The following TMEM132B variants were observed in gnomAD, a reference collection of about 807,000 sequenced individuals.
The protein encoded by TMEM132B is transmembrane protein 132B.
TMEM132B carries 18 observed loss-of-function variants against 90.8 expected under a neutral mutation model. That is an observed-to-expected ratio of 0.20 (90% CI 0.14 to 0.29). The LOEUF (loss-of-function observed/expected upper bound fraction) is 0.29. TMEM132B is among the 10% of genes least tolerant of loss of function. The pLI, the probability that TMEM132B is intolerant of heterozygous loss-of-function variation, is 1.00. For synonymous variants in TMEM132B, 504 were observed against 523.3 expected (o/e 0.96, Z 0.50); for missense variants, 1,096 against 1,326.8 (o/e 0.83, Z 2.70).
Position 125,459,215 on chromosome 12 carries a change from T to G in TMEM132B, c.1106+43538T>G, listed in dbSNP as rs1204136367. The stretch of plus-strand genomic sequence containing the variant: ...GCAGCTGGGCAGGCTGCCTCACCTT[T>G]CAAATAGTGGGACCCTCTTCTACGT... On this transcript the variant is annotated intron_variant, in intron 3 of 8. Coordinates refer to ENST00000682704, the MANE Select transcript of TMEM132B (RefSeq NM_001366854.1). This position sits in a 1 kb window ranked among gnomAD's most constrained non-coding sequence, Gnocchi z 4.1. Among the ~76,000 whole-genome samples, 1 of 152,156 alleles carries G rather than the reference T, an allele frequency of 6.6e-6. No individual in the cohort carries two copies. The highest frequency in any genetic ancestry group is 1.5e-5 in the Non-Finnish European group (1 of 68,036).
At chr12:125,482,313 A>G (rs1593167963) in intron 3 of TMEM132B, among the ~76,000 whole-genome samples, 1 of 152,254 alleles carries the variant, frequency 6.6e-6, no homozygotes, top group African/African-American at 2.4e-5. Context: ...CAGAGTGAAC[A>G]GGCAACCTAC....
intron 2 of TMEM132B, among the ~76,000 whole-genome samples, chr12:125,371,973 C>T (rs1878304859): frequency 6.6e-6 from 1 of 152,148 alleles, no homozygotes. Context: ...TTCGGTTAGA[C>T]AGAATATTTC....
chr12:125,317,614 T>G (rs1876318397), intron 1 of TMEM132B, among the ~76,000 whole-genome samples: 1 of 150,980 alleles, frequency 6.6e-6, no homozygotes, highest in Non-Finnish European at 1.5e-5. Flanking sequence ...CCTCATCATC[T>G]CTATCCTCCT....
At chr12:125,641,250 A>G (rs895918194) in intron 5 of TMEM132B, among the ~76,000 whole-genome samples, 2 of 152,194 alleles carry the variant, frequency 1.3e-5, no homozygotes, top group African/African-American at 4.8e-5. Flanking sequence ...TCTCTGTGCA[A>G]TTCCACAAAT....
At chr12:125,274,944 AT>A (rs750452820) in intron 1 of TMEM132B, among the ~76,000 whole-genome samples, 2 of 152,196 alleles carry the variant, frequency 1.3e-5, no homozygotes, top group Non-Finnish European at 2.9e-5. Flanking sequence ...AATAAAAAAA[AT>A]AACCTAAGGA....
Position 125,650,878 on chromosome 12 carries a change from G to A in TMEM132B, c.1839G>A (p.Val613=), listed in dbSNP as rs1401425862. The A allele has an allele frequency of 1.9e-6, 3 of 1,614,020 alleles. No individual in the cohort carries two copies. Among genetic ancestry groups the A allele is most frequent in the African/African-American group, 1.3e-5 (1 of 75,054 alleles). The part of the protein sequence containing the change: ...ITDLVTEFMK[V]EEPKIAQLQD... ...ACCTTGTGACCGAGTTCATGAAGGTGGAGGAGCCGAAAATCGCTCAGTTAC... is the reference window on the plus strand; with the variant it reads ...ACCTTGTGACCGAGTTCATGAAGGTAGAGGAGCCGAAAATCGCTCAGTTAC... The change falls in exon 7 of 9, where the codon GTG becomes GTA. Residue 613 remains valine, a synonymous_variant. Transcript: ENST00000682704.
chr12:125,350,348 G>C lies in TMEM132B; in HGVS notation c.959+5G>C. 6.2e-7 allele frequency: 1 copy of C among 1,605,898 alleles called. No homozygotes were observed. Among genetic ancestry groups the C allele is most frequent in the Non-Finnish European group, 8.5e-7 (1 of 1,176,474 alleles). The stretch of plus-strand genomic sequence containing the variant: ...GGCAGACCAGTTCACTCTTAGGTAA[G>C]AGGCTTTGCCAGGTGGGATGGAACA... On this transcript the variant is annotated splice_donor_5th_base_variant and intron_variant, in intron 2 of 8. Transcript: ENST00000682704.
intron 1 of TMEM132B, among the ~76,000 whole-genome samples, chr12:125,285,355 A>G (rs1405048708): frequency 6.6e-6 from 1 of 152,230 alleles, no homozygotes; most frequent in East Asian, 1.9e-4. Context: ...AGAGGCAAAG[A>G]CATAGCTAAA....
intron 3 of TMEM132B, among the ~76,000 whole-genome samples, chr12:125,471,269 G>A (rs1881712033): frequency 6.6e-6 from 1 of 152,200 alleles, no homozygotes; most frequent in South Asian, 2.1e-4. Flanking sequence ...CTGTGGTCCG[G>A]GGGTGTGGTC....
At chr12:125,648,245 A>G (rs1488698550) in intron 6 of TMEM132B, among the ~76,000 whole-genome samples, 1 of 151,946 alleles carries the variant, frequency 6.6e-6, no homozygotes, top group African/African-American at 2.4e-5. Context: ...ATCCTTTTTT[A>G]TGGCTGCATA....
chr12:125,344,954 C>T (rs1210347346), intron 1 of TMEM132B, among the ~76,000 whole-genome samples: 1 of 152,152 alleles, frequency 6.6e-6, no homozygotes, highest in Non-Finnish European at 1.5e-5. Flanking sequence ...ACTGCACCAA[C>T]CTGAACTAAT....
intron 5 of TMEM132B, among the ~76,000 whole-genome samples, chr12:125,614,789 G>C (rs1440715733): frequency 6.6e-6 from 1 of 152,158 alleles, no homozygotes; most frequent in Non-Finnish European, 1.5e-5. Context: ...TTTAAAAAAT[G>C]TGGATTCAGA....
chr12:125,630,100 C>A (rs945649903), intron 5 of TMEM132B, among the ~76,000 whole-genome samples: 8 of 151,950 alleles, frequency 5.3e-5, no homozygotes, highest in Non-Finnish European at 1.2e-4. Flanking sequence ...CTGTAGTTTT[C>A]TTTTTCTGAT....
chr12:125,616,210 T>C (rs1456482488), intron 5 of TMEM132B, among the ~76,000 whole-genome samples: 2 of 151,784 alleles, frequency 1.3e-5, no homozygotes, highest in South Asian at 4.2e-4. Flanking sequence ...GTCCTTGCGA[T>C]AGTTTGCTGA....
At chr12:125,237,196 C>T (rs1873956169) in intron 1 of TMEM132B, among the ~76,000 whole-genome samples, 1 of 152,156 alleles carries the variant, frequency 6.6e-6, no homozygotes, top group African/African-American at 2.4e-5. Flanking sequence ...GGTAGGTGTT[C>T]CAGGTAGGAG....
chr12:125,432,147 A>T (rs1163410857), intron 3 of TMEM132B, among the ~76,000 whole-genome samples: 3 of 151,562 alleles, frequency 2.0e-5, no homozygotes, highest in African/African-American at 7.3e-5. Context: ...TACTCTTGCG[A>T]ATCCTGTAAG....
chr12:125,244,473 G>T (rs1356222828), intron 1 of TMEM132B, among the ~76,000 whole-genome samples: 1 of 152,198 alleles, frequency 6.6e-6, no homozygotes, highest in East Asian at 1.9e-4. Context: ...GGGACCCAGG[G>T]CCCAGACCCC....
rs566796215 is a variant in TMEM132B, at chr12:125,190,251, G to A, written c.67+3385G>A. 9.8e-5 allele frequency among the ~76,000 whole-genome samples: 15 copies of A among 152,306 alleles called. No individual in the cohort carries two copies. The South Asian group carries it at 2.7e-3, about 27-fold the overall frequency. ...TCTGGTAGAGGAGTTCTACCATACA[G>A]TCCTTTAGGGAACTGTGACTCCATA... On this transcript the variant is annotated intron_variant, in intron 1 of 8. Transcript: ENST00000682704.
chr12:125,447,750 A>G (rs1463198917), intron 3 of TMEM132B, among the ~76,000 whole-genome samples: 3 of 152,154 alleles, frequency 2.0e-5, no homozygotes, highest in South Asian at 4.1e-4. Flanking sequence ...TTATTCTGGA[A>G]TAATATTTTC....
Sources: allele counts gnomAD v4.1 joint callset (sites outside exome capture counted in the v4.1 genomes callset), GRCh38; gene constraint gnomAD v4.1.1; non-coding constraint Gnocchi (gnomAD v3.1); transcripts MANE v1.5; gene names NCBI Gene and HGNC (gene_info 2026-07-23, HGNC 2026-07-21).